The following PDE7B variants were observed in gnomAD, a reference collection of about 807,000 sequenced individuals.
PDE7B encodes the protein 3',5'-cyclic-AMP phosphodiesterase 7B.
In PDE7B, 29 loss-of-function variants were observed where a neutral mutation model predicts 56.2. That is an observed-to-expected ratio of 0.52 (90% confidence interval 0.38 to 0.70). PDE7B has a LOEUF of 0.70. Among genes scored for constraint, PDE7B ranks in the 30% least tolerant of loss-of-function variants. The pLI, the probability that PDE7B is intolerant of heterozygous loss-of-function variation, is 0.00. For synonymous variants in PDE7B, 197 were observed against 196.9 expected (o/e 1.00, Z 0.00); for missense variants, 490 against 565.0 (o/e 0.87, Z 1.35).
chr6:136,036,149 CCCAG>C (rs1664023619), intron 2 of PDE7B, among the ~76,000 whole-genome samples: 1 of 152,086 alleles, frequency 6.6e-6, no homozygotes, highest in Non-Finnish European at 1.5e-5. Flanking sequence ...TCTTGATGCC[CCCAG>C]CCTGATGGAA....
intron 1 of PDE7B, among the ~76,000 whole-genome samples, chr6:135,873,162 T>C (rs1562419680): frequency 1.3e-5 from 2 of 152,206 alleles, no homozygotes. Flanking sequence ...TAGTGATCTG[T>C]CATTAAGTGG....
At chr6:136,149,773 G>A (rs1010799556) in intron 5 of PDE7B, among the ~76,000 whole-genome samples, 1 of 152,180 alleles carries the variant, frequency 6.6e-6, no homozygotes, top group East Asian at 1.9e-4. Context: ...ATGCTGATGA[G>A]CTTTGAGAGC....
chr6:136,040,347 G>C (rs765452545), intron 2 of PDE7B, among the ~76,000 whole-genome samples: 7 of 152,178 alleles, frequency 4.6e-5, no homozygotes, highest in Non-Finnish European at 7.3e-5. Flanking sequence ...TTACTGGAAT[G>C]GGCATAAAAC....
chr6:136,160,631 C>T (rs1210056508), intron 8 of PDE7B, among the ~76,000 whole-genome samples: 1 of 152,174 alleles, frequency 6.6e-6, no homozygotes, highest in East Asian at 1.9e-4. Context: ...TTTCCTGAAA[C>T]TCAAATCTGA....
intron 2 of PDE7B, among the ~76,000 whole-genome samples, chr6:136,036,131 C>A (rs1776322712): frequency 6.6e-6 from 1 of 152,230 alleles, no homozygotes; most frequent in Middle Eastern, 3.4e-3. Context: ...CATCTCAATC[C>A]TAGAGAGTCT....
chr6:135,974,515 C>G (rs1775150028), intron 2 of PDE7B, among the ~76,000 whole-genome samples: 1 of 152,110 alleles, frequency 6.6e-6, no homozygotes, highest in Admixed American at 6.6e-5. Flanking sequence ...GTAGCAATTT[C>G]TGGTGAAAGA....
At chr6:135,899,219 T>C (rs1775955221) in intron 1 of PDE7B, among the ~76,000 whole-genome samples, 1 of 152,102 alleles carries the variant, frequency 6.6e-6, no homozygotes, top group East Asian at 1.9e-4. Context: ...CAGTCTCAGG[T>C]AAGTCTTTAT....
intron 2 of PDE7B, among the ~76,000 whole-genome samples, chr6:135,948,892 T>C (rs28396216): frequency 0.13 from 5,716 of 42,958 alleles, 130 homozygotes; most frequent in Non-Finnish European, 0.15. Context: ...GATAGATAGA[T>C]AGATAGACAG....
At chr6:136,022,902 G>A (rs1212928302) in intron 2 of PDE7B, among the ~76,000 whole-genome samples, 1 of 152,020 alleles carries the variant, frequency 6.6e-6, no homozygotes, top group Admixed American at 6.6e-5. Context: ...GAGGGTGGGA[G>A]AAACTACAAA....
intron 2 of PDE7B, among the ~76,000 whole-genome samples, chr6:135,994,023 C>A (rs1775519449): frequency 6.6e-6 from 1 of 151,930 alleles, no homozygotes; most frequent in Non-Finnish European, 1.5e-5. Context: ...TTTCTCAGTT[C>A]TGTTTTTAAA....
intron 1 of PDE7B, among the ~76,000 whole-genome samples, chr6:135,917,408 G>T (rs1773975034): frequency 6.6e-6 from 1 of 151,672 alleles, no homozygotes; most frequent in African/African-American, 2.4e-5. Context: ...TTTTAACGTA[G>T]GATATTATAT....
At chr6:136,140,649 C>G (rs1445965304) in intron 3 of PDE7B, among the ~76,000 whole-genome samples, 1 of 152,096 alleles carries the variant, frequency 6.6e-6, no homozygotes, top group Non-Finnish European at 1.5e-5. Flanking sequence ...TTTCATTGAG[C>G]AGTGGTTTGT....
intron 2 of PDE7B, among the ~76,000 whole-genome samples, chr6:136,056,732 A>T (rs948911501): frequency 6.6e-6 from 1 of 151,638 alleles, no homozygotes; most frequent in Admixed American, 6.6e-5. Flanking sequence ...GGGTTTTGCC[A>T]TGTTGGCCAG....
chr6:136,116,155 G>T (rs754440678), intron 3 of PDE7B, among the ~76,000 whole-genome samples: 1 of 152,226 alleles, frequency 6.6e-6, no homozygotes, highest in African/African-American at 2.4e-5. Context: ...GCAGAAGAAG[G>T]CTTTATGGTC....
At chr6:136,165,952 G>A (rs796434283) in intron 8 of PDE7B, among the ~76,000 whole-genome samples, 7 of 152,252 alleles carry the variant, frequency 4.6e-5, no homozygotes, top group Non-Finnish European at 7.4e-5. Context: ...TCTGTCATAC[G>A]TGATGCTTAA....
At chr6:135,874,279 G>C (rs1174754217) in intron 1 of PDE7B, among the ~76,000 whole-genome samples, 2 of 152,082 alleles carry the variant, frequency 1.3e-5, no homozygotes, top group African/African-American at 4.8e-5. Flanking sequence ...TCTATCCTTG[G>C]TCTAATGGTT....
chr6:136,050,888 GA>G (rs1776611033), intron 2 of PDE7B, among the ~76,000 whole-genome samples: 1 of 152,028 alleles, frequency 6.6e-6, no homozygotes, highest in South Asian at 2.1e-4. Flanking sequence ...TTTATCCTCT[GA>G]AACTTTCTCC....
intron 1 of PDE7B, among the ~76,000 whole-genome samples, chr6:135,858,740 A>C (rs1562413109): frequency 6.6e-6 from 1 of 152,120 alleles, no homozygotes; most frequent in Admixed American, 6.5e-5. Context: ...ATTATTTGAG[A>C]TCTTTCTCCA....
At chr6:135,899,157 C>A (rs1214164184) in intron 1 of PDE7B, among the ~76,000 whole-genome samples, 1 of 152,044 alleles carries the variant, frequency 6.6e-6, no homozygotes, top group African/African-American at 2.4e-5. Flanking sequence ...TGAGGCCTCC[C>A]CAGCTATGTG....
Sources: gnomAD v4.1 joint callset for allele counts (sites outside exome capture counted in the v4.1 genomes callset) on GRCh38, gnomAD v4.1.1 for gene constraint, MANE v1.5 for transcripts, NCBI Gene and HGNC (gene_info 2026-07-23, HGNC 2026-07-21) for gene names.